The following USP34 variants were observed in gnomAD, a reference collection of about 807,000 sequenced individuals.
The protein encoded by USP34 is ubiquitin specific peptidase 34, also known as ubiquitin carboxyl-terminal hydrolase 34.
A neutral mutation model predicts 460.3 loss-of-function variants in USP34; 70 were observed. That is an observed-to-expected ratio of 0.15 (90% CI 0.13 to 0.19). The LOEUF is 0.19. Ranked by LOEUF, USP34 falls within the 10% of genes least tolerant of loss-of-function variation. USP34 has a pLI of 1.00. For synonymous variants in USP34, 1,647 were observed against 1,405.3 expected (o/e 1.17, Z -3.85); for missense variants, 3,985 against 4,236.2 (o/e 0.94, Z 1.65).
intron 41 of USP34, among the ~76,000 whole-genome samples, chr2:61,269,927 TCCTC>T (rs1689163585): frequency 6.6e-6 from 1 of 152,134 alleles, no homozygotes; most frequent in Non-Finnish European, 1.5e-5. Context: ...ATATTTCAAA[TCCTC>T]CCTTTTAGCT....
intron 23 of USP34, 133 bp from the exon 24 acceptor site, chr2:61,315,107 T>A (rs1345793281): frequency 9.6e-6 from 6 of 626,494 alleles, no homozygotes; most frequent in Non-Finnish European, 1.6e-5. Flanking sequence ...ATAAATGATT[T>A]AAAAATTTCC....
intron 2 of USP34, among the ~76,000 whole-genome samples, chr2:61,412,325 A>G (rs889342856): frequency 6.6e-5 from 10 of 152,096 alleles, no homozygotes; most frequent in African/African-American, 2.4e-4. Context: ...CCTGAGAGAT[A>G]TAAAATATTA....
chr2:61,336,300 G>C (rs932752950), intron 18 of USP34, among the ~76,000 whole-genome samples: 8 of 151,922 alleles, frequency 5.3e-5, no homozygotes, highest in African/African-American at 1.9e-4. Flanking sequence ...TAATTTTAAA[G>C]TTTTTCTGTA....
intron 64 of USP34, 144 bp from the exon 65 acceptor site, chr2:61,222,807 C>T: frequency 3.9e-6 from 3 of 767,172 alleles, no homozygotes; most frequent in Admixed American, 2.7e-5. Flanking sequence ...AGCGATCCTC[C>T]TGCCTCAGCC....
chr2:61,305,165 A>T (rs941869086), intron 27 of USP34, among the ~76,000 whole-genome samples: 1 of 152,080 alleles, frequency 6.6e-6, no homozygotes, highest in African/African-American at 2.4e-5. Context: ...TTCTACTAAA[A>T]ATACAACAAT....
intron 33 of USP34, among the ~76,000 whole-genome samples, chr2:61,289,809 T>C (rs1474086852): frequency 6.6e-6 from 1 of 152,066 alleles, no homozygotes; most frequent in Non-Finnish European, 1.5e-5. Flanking sequence ...GATCTAAACG[T>C]AAAAGAAAAG....
intron 75 of USP34, among the ~76,000 whole-genome samples, chr2:61,195,133 C>G (rs1056082766): frequency 1.4e-4 from 21 of 151,128 alleles, no homozygotes; most frequent in Admixed American, 5.9e-4. Context: ...GGCAGGAGAA[C>G]TGCTTGAACC....
At chr2:61,455,784 C>T (rs1695419946) in intron 1 of USP34, among the ~76,000 whole-genome samples, 1 of 152,186 alleles carries the variant, frequency 6.6e-6, no homozygotes, top group Admixed American at 6.6e-5. Context: ...TATGCTAGCA[C>T]TGCGTTAAAT....
intron 1 of USP34, among the ~76,000 whole-genome samples, chr2:61,440,648 G>C (rs1044457687): frequency 1.3e-5 from 2 of 151,268 alleles, no homozygotes; most frequent in African/African-American, 4.9e-5. Context: ...CTACCAAGTA[G>C]CTGGGATTAA....
At position 61,228,954 on chromosome 2, in the gene USP34, C is replaced by A; in HGVS notation, c.7241G>T (p.Arg2414Leu). The change falls in exon 60 of 80, where the codon CGT (arginine) becomes CTT (leucine). Residue 2414 changes from arginine (R) to leucine (L), a missense_variant. Arg to Leu is a moderately radical substitution (Grantham distance 102). Coordinates refer to ENST00000398571, the MANE Select transcript of USP34 (RefSeq NM_014709.4). ...TCTCACAAAGCGAGTGACACATGAA[C>A]GACCACCAATATCTTCTACTGAGGT... ...MDTSVEDIGG[R>L]SCVTRFVRTL... 6.2e-7 allele frequency: 1 copy of A among 1,607,528 alleles called. No individual in the cohort carries two copies. The highest frequency in any genetic ancestry group is 1.7e-5 in the Admixed American group (1 of 58,714).
At chr2:61,326,903 C>T (rs1169863967) in intron 20 of USP34, among the ~76,000 whole-genome samples, 1 of 151,532 alleles carries the variant, frequency 6.6e-6, no homozygotes, top group African/African-American at 2.4e-5. Context: ...CCTGCCTCAG[C>T]CTCCCGAGGA....
chr2:61,374,827 C>T (rs970121420), intron 8 of USP34, among the ~76,000 whole-genome samples: 2 of 152,120 alleles, frequency 1.3e-5, no homozygotes, highest in African/African-American at 2.4e-5. Flanking sequence ...CTTCGGCCTC[C>T]CAAAGTGCTG....
At chr2:61,298,822 A>G (rs1303759649) in intron 29 of USP34, among the ~76,000 whole-genome samples, 1 of 152,088 alleles carries the variant, frequency 6.6e-6, no homozygotes, top group Non-Finnish European at 1.5e-5. Flanking sequence ...TACAAGTTAC[A>G]GTCTACCTTT....
intron 62 of USP34, among the ~76,000 whole-genome samples, chr2:61,226,457 A>C (rs527413806): frequency 1.3e-5 from 2 of 152,340 alleles, no homozygotes; most frequent in South Asian, 4.1e-4. Context: ...ACACACACAC[A>C]TACACACTCT....
At position 61,307,746 on chromosome 2, in the gene USP34, TAGAA is replaced by T. The variant is rs141195949; in HGVS notation, c.3817+3790_3817+3793del. On this transcript the variant is annotated intron_variant, in intron 27 of 79. Coordinates refer to ENST00000398571, the MANE Select transcript of USP34 (RefSeq NM_014709.4). Reference sequence around the variant, plus strand: ...GTACAAAGCTTTAAAGGAAGTTTATTAGAAAGAAGGGTCTGAAAAGGCCGGGCGC... The same window carrying T: ...GTACAAAGCTTTAAAGGAAGTTTATTAGAAGGGTCTGAAAAGGCCGGGCGC... 5.0e-3 allele frequency among the ~76,000 whole-genome samples: 757 copies of T among 152,104 alleles called. 4 individuals are homozygous for T. The highest frequency in any genetic ancestry group is 8.2e-3 in the Non-Finnish European group (555 of 67,976).
rs769485088 is a variant in USP34, at chr2:61,284,948, C to G, written c.4759G>C (p.Val1587Leu). Residue 1587 changes from valine to leucine, a missense_variant, in exon 35 of 80, where the codon GTT becomes CTT. Physicochemically the swap from Val to Leu is conservative, Grantham distance 32 (BLOSUM62 1). Around this residue, in one of 14 missense-constraint regions of USP34, gnomAD observed 1,114 missense variants for 1,122.5 expected, o/e 0.99. Transcript: ENST00000398571. ...ATCAAACTGGTTCCTTGGACAAGAA[C>G]AAGAAATACCTTTAAAACAAAAACA... is the stretch of plus-strand genomic sequence containing the variant. ...HIPRLTEVFLVLVQGTSLIQR... is the reference protein window; with the variant it reads ...HIPRLTEVFLLLVQGTSLIQR... The G allele has an allele frequency of 3.1e-6, 5 of 1,608,552 alleles. No homozygotes were observed. The highest frequency in any genetic ancestry group is 1.1e-5 in the South Asian group (1 of 90,134).
intron 1 of USP34, among the ~76,000 whole-genome samples, chr2:61,466,195 C>A (rs1225903454): frequency 6.6e-6 from 1 of 152,046 alleles, no homozygotes; most frequent in African/African-American, 2.4e-5. Flanking sequence ...GAGGCCAAGG[C>A]GGGCAGATCA....
chr2:61,229,457 T>TAAAAAAAAAAAAAAAAAAAAAAA (rs57231258), intron 59 of USP34, 91 bp downstream of exon 59: 72 of 382,146 alleles, frequency 1.9e-4, no homozygotes, highest in Non-Finnish European at 2.0e-4. Context: ...CCCTATCTCT[T>TAAAAAAAAAAAAAAAAAAAAAAA]AAAAAAAAAA....
intron 1 of USP34, among the ~76,000 whole-genome samples, chr2:61,435,680 G>C (rs2104009565): frequency 6.6e-6 from 1 of 152,268 alleles, no homozygotes; most frequent in East Asian, 1.9e-4. Flanking sequence ...GCAGGAGTAA[G>C]TCCTCACCTA....
Sources: gnomAD v4.1 joint callset for allele counts (sites outside exome capture counted in the v4.1 genomes callset) on GRCh38, gnomAD v4.1.1 for gene constraint, gnomAD v4.1.1 regional missense constraint, MANE v1.5 for transcripts, NCBI Gene and HGNC (gene_info 2026-07-23, HGNC 2026-07-21) for gene names.